MYT1L: variants seen among roughly 807,000 people sequenced by gnomAD.
MYT1L encodes myelin transcription factor 1-like protein.
In MYT1L, 12 loss-of-function variants were observed where a neutral mutation model predicts 126.7. The ratio of observed to expected loss-of-function variants is 0.09; its 90% CI spans 0.06 to 0.15. The LOEUF (loss-of-function observed/expected upper bound fraction) is 0.15. Ranked by LOEUF, MYT1L falls within the 10% of genes least tolerant of loss-of-function variation. The probability of loss-of-function intolerance (pLI) is 1.00; values close to 1 mark genes in which losing one functional copy is unlikely to be tolerated. For missense variants in MYT1L, 979 were observed against 1,585.2 expected (o/e 0.62, Z 6.49); for synonymous variants, 541 against 604.2 (o/e 0.90, Z 1.53).
At chr2:2,316,108 C>A (rs796956836) in intron 1 of MYT1L, among the ~76,000 whole-genome samples, 4 of 152,184 alleles carry the variant, frequency 2.6e-5, no homozygotes, top group African/African-American at 9.7e-5. Flanking sequence ...TGACTCCGGT[C>A]AAGAGTCTGA....
At chr2:2,231,465 T>A (rs1470168322) in intron 2 of MYT1L, among the ~76,000 whole-genome samples, 1 of 152,132 alleles carries the variant, frequency 6.6e-6, no homozygotes, top group Non-Finnish European at 1.5e-5. Context: ...TGAGATAGGG[T>A]CTGGCTTTGT....
At chr2:2,281,931 G>A (rs1004377911) in intron 2 of MYT1L, among the ~76,000 whole-genome samples, 8 of 152,190 alleles carry the variant, frequency 5.3e-5, no homozygotes, top group Non-Finnish European at 1.0e-4. Flanking sequence ...AGCGGTAGGT[G>A]GCATGGGGGC....
intron 9 of MYT1L, among the ~76,000 whole-genome samples, chr2:1,928,167 C>T (rs34355734): frequency 0.03 from 4,560 of 152,172 alleles, 94 homozygotes; most frequent in Non-Finnish European, 0.046. Flanking sequence ...TGCCCAGGCT[C>T]GTCTCAAAGT....
In MYT1L at chr2:2,062,889, T is replaced by A. The variant is rs373467397; in HGVS notation, c.-303-8766A>T. Among the ~76,000 whole-genome samples, 8 of 132,450 alleles carry A rather than the reference T, an allele frequency of 6.0e-5. No homozygotes were observed. In the East Asian group the frequency reaches 1.6e-3, roughly 27 times the overall value. 86.9% of individuals were successfully genotyped at this position (132,450 alleles called of 152,430 possible). ...GGGTGTGTAGATCTGTTTTCTCCCA[T>A]CATGTGACATATCCTTCAGCTTTTC... On this transcript the variant is annotated intron_variant, in intron 3 of 24. Transcript: ENST00000647738.
intron 21 of MYT1L, among the ~76,000 whole-genome samples, chr2:1,831,283 G>T (rs779288340): frequency 6.9e-6 from 1 of 145,220 alleles, no homozygotes; most frequent in Admixed American, 6.7e-5. Flanking sequence ...CATTTGTCCA[G>T]CTTGTCTGTG....
At chr2:2,188,437 C>T (rs984252070) in intron 2 of MYT1L, among the ~76,000 whole-genome samples, 8 of 152,192 alleles carry the variant, frequency 5.3e-5, no homozygotes, top group African/African-American at 1.9e-4. Flanking sequence ...AGCAGGCACA[C>T]GCTCACGCCG....
At chr2:2,265,560 C>T (rs888176303) in intron 2 of MYT1L, among the ~76,000 whole-genome samples, 4 of 152,146 alleles carry the variant, frequency 2.6e-5, no homozygotes, top group African/African-American at 9.7e-5. Context: ...GGGCCTTCCT[C>T]CCGAGTCTAA....
chr2:1,813,798 C>T lies in MYT1L; in HGVS notation c.3081-4631G>A, dbSNP rs943821658. On this transcript the variant is annotated intron_variant, in intron 21 of 24. Transcript: ENST00000647738. The stretch of plus-strand genomic sequence containing the variant: ...ATCCCAGCACTTTGGGAGGCCGAGG[C>T]GGGCGGATCACGCGGTCAGGAGATC... Among the ~76,000 whole-genome samples the T allele has an allele frequency of 4.0e-5, 6 of 148,506 alleles. No individual in the cohort carries two copies. In the East Asian group the frequency reaches 1.0e-3, roughly 25 times the overall value.
At chr2:1,888,516 C>T (rs986741730) in intron 16 of MYT1L, among the ~76,000 whole-genome samples, 3 of 152,074 alleles carry the variant, frequency 2.0e-5, no homozygotes, top group African/African-American at 4.8e-5. Flanking sequence ...ACTAGTGCTT[C>T]GATGGTGGTC....
chr2:1,981,637 G>A (rs369603568), intron 5 of MYT1L, among the ~76,000 whole-genome samples: 5 of 152,228 alleles, frequency 3.3e-5, no homozygotes, highest in South Asian at 2.1e-4. Context: ...GGGATGTACC[G>A]GGAGGCCCCG....
chr2:2,261,983 G>C (rs1470187812), intron 2 of MYT1L, among the ~76,000 whole-genome samples: 1 of 152,174 alleles, frequency 6.6e-6, no homozygotes, highest in Non-Finnish European at 1.5e-5. Context: ...AATTTAAAAA[G>C]TGCATGATAA....
intron 4 of MYT1L, among the ~76,000 whole-genome samples, chr2:2,039,576 G>C (rs986493579): frequency 6.6e-6 from 1 of 152,168 alleles, no homozygotes; most frequent in Admixed American, 6.5e-5. Flanking sequence ...GAATTGCTCA[G>C]GAAAAACATG....
At chr2:2,137,978 C>T (rs1259689053) in intron 3 of MYT1L, among the ~76,000 whole-genome samples, 2 of 151,894 alleles carry the variant, frequency 1.3e-5, no homozygotes, top group African/African-American at 4.8e-5. Flanking sequence ...ACAATGAACT[C>T]AAACAAATTT....
chr2:2,068,851 T>A (rs1027120470), intron 3 of MYT1L, among the ~76,000 whole-genome samples: 3 of 126,594 alleles, frequency 2.4e-5, no homozygotes, highest in Non-Finnish European at 4.7e-5. Context: ...GGAGGGGGAG[T>A]CACAATTACT....
intron 8 of MYT1L, among the ~76,000 whole-genome samples, chr2:1,974,081 G>A (rs990827412): frequency 2.0e-5 from 3 of 152,204 alleles, no homozygotes; most frequent in African/African-American, 7.2e-5. Flanking sequence ...TGTTTTAAAT[G>A]CCTGGAGGCC....
rs1242321630 is a variant in MYT1L, at chr2:1,806,590, A to T, written c.3172+2486T>A. On this transcript the variant is annotated intron_variant, in intron 22 of 24. Coordinates refer to ENST00000647738, the MANE Select transcript of MYT1L (RefSeq NM_001303052.2). This position sits in a 1 kb window ranked among gnomAD's most constrained non-coding sequence, Gnocchi z 4.9. ...AGTTAGCACCTGTTTTTGTGAATTA[A>T]CTCCTTGTGTGCAGCAGTAATAGGA... 6.6e-6 allele frequency among the ~76,000 whole-genome samples: 1 copy of T among 151,832 alleles called. No individual in the cohort carries two copies. The highest frequency in any genetic ancestry group is 1.9e-4 in the East Asian group (1 of 5,166).
intron 3 of MYT1L, among the ~76,000 whole-genome samples, chr2:2,163,315 T>C (rs2088358331): frequency 6.6e-6 from 1 of 152,238 alleles, no homozygotes; most frequent in South Asian, 2.1e-4. Flanking sequence ...GCCTCAGTTA[T>C]ACTTATTCAT....
Position 1,848,551 on chromosome 2 carries a change from G to C in MYT1L, c.2774+3090C>G, listed in dbSNP as rs993022904. Among the ~76,000 whole-genome samples the C allele has an allele frequency of 6.6e-6, 1 of 152,160 alleles. No individual in the cohort carries two copies. The highest frequency in any genetic ancestry group is 1.5e-5 in the Non-Finnish European group (1 of 68,036). ...GGAAAAAGAAGGCCAGTGAATCATCGTCTAAGTGGCGTTTGCCTATAGGTA... is the reference window on the plus strand; with the variant it reads ...GGAAAAAGAAGGCCAGTGAATCATCCTCTAAGTGGCGTTTGCCTATAGGTA... On this transcript the variant is annotated intron_variant, in intron 19 of 24. Transcript: ENST00000647738. The surrounding 1 kb of genome is among the most constrained non-coding windows in gnomAD (Gnocchi z 4.8).
intron 5 of MYT1L, among the ~76,000 whole-genome samples, chr2:1,987,205 G>T (rs2061101726): frequency 2.6e-5 from 4 of 152,070 alleles, no homozygotes; most frequent in Admixed American, 2.6e-4. Flanking sequence ...CATGGCCAGG[G>T]GCTCATACCC....
Sources: allele counts gnomAD v4.1 joint callset (sites outside exome capture counted in the v4.1 genomes callset), GRCh38; gene constraint gnomAD v4.1.1; non-coding constraint Gnocchi (gnomAD v3.1); transcripts MANE v1.5; gene names NCBI Gene and HGNC (gene_info 2026-07-23, HGNC 2026-07-21).